The following FOXN2 variants were observed in gnomAD, a reference collection of about 807,000 sequenced individuals.
FOXN2 encodes the protein forkhead box N2.
FOXN2 carries 19 observed loss-of-function variants against 41.2 expected under a neutral mutation model. The observed-to-expected ratio is 0.46, with a 90% CI of 0.32 to 0.68. The LOEUF is 0.68. FOXN2 is among the 30% of genes least tolerant of loss of function. FOXN2 has a pLI of 0.03. For synonymous variants in FOXN2, 195 were observed against 176.8 expected (o/e 1.10, Z -0.82); for missense variants, 587 against 509.4 (o/e 1.15, Z -1.47).
At chr2:48,314,154 G>A (rs1463754283), upstream of FOXN2, among the ~76,000 whole-genome samples, 3 of 152,236 alleles carry the variant, frequency 2.0e-5, no homozygotes, top group Non-Finnish European at 4.4e-5. Flanking sequence ...ATGGCGGAAG[G>A]TCTTGCGGAA....
chr2:48,367,864 T>C (rs1672629443), intron 5 of FOXN2, among the ~76,000 whole-genome samples: 1 of 152,204 alleles, frequency 6.6e-6, no homozygotes, highest in East Asian at 1.9e-4. Context: ...TTTTTTGAAA[T>C]GGTGTCTCGC....
intron 4 of FOXN2, among the ~76,000 whole-genome samples, chr2:48,359,573 C>T (rs1672040680): frequency 6.6e-6 from 1 of 151,916 alleles, no homozygotes; most frequent in Admixed American, 6.6e-5. Context: ...GGATTACAGG[C>T]GTGAGCCACC....
intron 5 of FOXN2, among the ~76,000 whole-genome samples, chr2:48,369,984 A>AG (rs1033139484): frequency 2.0e-5 from 3 of 152,040 alleles, no homozygotes; most frequent in Non-Finnish European, 4.4e-5. Context: ...TGAGTGACAG[A>AG]GGGAGACCTT....
Position 48,346,243 on chromosome 2 carries a change from A to G in FOXN2, c.29A>G (p.Asp10Gly), listed in dbSNP as rs776170920. 2 of 1,612,832 alleles carry G rather than the reference A, an allele frequency of 1.2e-6. No homozygotes were observed. Among genetic ancestry groups the G allele is most frequent in the South Asian group, 1.1e-5 (1 of 90,968 alleles). The change falls in exon 3 of 7, where the codon GAT becomes GGT. Residue 10 changes from aspartate to glycine, a missense_variant. By Grantham distance (94) the Asp-to-Gly change is moderately conservative. Coordinates refer to ENST00000340553, the MANE Select transcript of FOXN2 (RefSeq NM_002158.4). MGPVIGMTP[D>G]KRAETPGAEK... is the part of the protein sequence containing the mutation. ...GGTCCAGTAATTGGAATGACTCCAG[A>G]TAAGAGAGCTGAAACCCCAGGAGCT...
chr2:48,354,262 T>G (rs1167141985), intron 3 of FOXN2, among the ~76,000 whole-genome samples: 2 of 152,238 alleles, frequency 1.3e-5, no homozygotes, highest in East Asian at 3.9e-4. Flanking sequence ...AAGAAGAAGT[T>G]GTTGAGAAAG....
chr2:48,362,830 G>A (rs922341460), intron 5 of FOXN2, 123 bp downstream of exon 5: 1 of 761,010 alleles, frequency 1.3e-6, no homozygotes, highest in Admixed American at 2.4e-5. Flanking sequence ...ATTGCCTGGT[G>A]CCCTGGTAGC....
At chr2:48,335,126 A>G (rs1412716060) in intron 2 of FOXN2, among the ~76,000 whole-genome samples, 5 of 152,240 alleles carry the variant, frequency 3.3e-5, no homozygotes, top group Non-Finnish European at 1.5e-5. Flanking sequence ...AAGGCACAAT[A>G]TAAGAGAATC....
rs957842613 is a variant in FOXN2 at position 48,375,956 on chromosome 2, C to G, written c.*513C>G. ...TTGTTTCTAATTTTTTTTTTGTTGT[C>G]GTGTGAGCAAAGACAAACATAAATT... On this transcript the variant is annotated 3_prime_UTR_variant, in exon 7 of 7. Transcript: ENST00000340553. 1 of 151,416 alleles carries G rather than the reference C, an allele frequency of 6.6e-6. No homozygotes were observed. The allele number at this position is 151,416 out of a possible 1,614,324, so 9.4% of individuals were successfully genotyped here. A position where few individuals can be genotyped will look rare whatever the true frequency, so the allele number is the denominator to read the frequency against.
chr2:48,355,948 G>C (rs1671763675), intron 3 of FOXN2, among the ~76,000 whole-genome samples: 1 of 151,992 alleles, frequency 6.6e-6, no homozygotes. Context: ...GCTTTGGTTT[G>C]GGCTTTATGT....
chr2:48,367,913 G>A (rs866806401), intron 5 of FOXN2, among the ~76,000 whole-genome samples: 35 of 152,210 alleles, frequency 2.3e-4, no homozygotes, highest in East Asian at 9.6e-4. Flanking sequence ...CACGATCTTC[G>A]CTCACTGTAA....
At chr2:48,365,625 C>T (rs538794466) in intron 5 of FOXN2, among the ~76,000 whole-genome samples, 76 of 152,300 alleles carry the variant, frequency 5.0e-4, no homozygotes, top group African/African-American at 1.6e-3. Flanking sequence ...TCTTCTTCAT[C>T]TAATGACTTG....
At chr2:48,366,004 C>T (rs890052555) in intron 5 of FOXN2, among the ~76,000 whole-genome samples, 1 of 152,142 alleles carries the variant, frequency 6.6e-6, no homozygotes, top group Non-Finnish European at 1.5e-5. Context: ...TTGTGCCAGA[C>T]ACTGTTGGAG....
intron 3 of FOXN2, among the ~76,000 whole-genome samples, 175 bp from the exon 4 acceptor site, chr2:48,358,872 A>C (rs1196751707): frequency 1.6e-5 from 2 of 123,398 alleles, no homozygotes; most frequent in African/African-American, 5.7e-5. Context: ...TTTGTACATC[A>C]TAGGATGAAT....
At chr2:48,352,616 G>A (rs947594934) in intron 3 of FOXN2, among the ~76,000 whole-genome samples, 4 of 152,148 alleles carry the variant, frequency 2.6e-5, no homozygotes, top group Admixed American at 1.3e-4. Context: ...TAGATCTGGA[G>A]GTATCTCAAA....
At chr2:48,374,663 A>T (rs1024969543) in intron 6 of FOXN2, among the ~76,000 whole-genome samples, 1 of 152,214 alleles carries the variant, frequency 6.6e-6, no homozygotes, top group African/African-American at 2.4e-5. Flanking sequence ...TGGTACATTC[A>T]TATTGAGGCA....
intron 3 of FOXN2, among the ~76,000 whole-genome samples, chr2:48,351,888 A>G (rs1671472162): frequency 6.6e-6 from 1 of 152,152 alleles, no homozygotes; most frequent in Admixed American, 6.5e-5. Flanking sequence ...AAAAGAGAAC[A>G]GGTTTTAGAA....
intron 2 of FOXN2, among the ~76,000 whole-genome samples, chr2:48,342,765 T>G (rs530585656): frequency 4.6e-5 from 7 of 152,306 alleles, no homozygotes; most frequent in Admixed American, 3.9e-4. Flanking sequence ...AAGGATAGTT[T>G]ATAAACGGCT....
At chr2:48,367,997 C>G (rs1015782044) in intron 5 of FOXN2, among the ~76,000 whole-genome samples, 1 of 152,190 alleles carries the variant, frequency 6.6e-6, no homozygotes, top group African/African-American at 2.4e-5. Context: ...CGCGTATGAC[C>G]TCACCCGGCT....
chr2:48,374,448 C>G (rs1673102287), intron 6 of FOXN2, among the ~76,000 whole-genome samples: 1 of 152,144 alleles, frequency 6.6e-6, no homozygotes, highest in Non-Finnish European at 1.5e-5. Context: ...TAAATTGGTA[C>G]AACCACTTTG....
Sources: allele counts gnomAD v4.1 joint callset (sites outside exome capture counted in the v4.1 genomes callset), GRCh38; gene constraint gnomAD v4.1.1; transcripts MANE v1.5; gene names NCBI Gene and HGNC (gene_info 2026-07-23, HGNC 2026-07-21).